The following JADE3 variants were observed in gnomAD, a reference collection of about 807,000 sequenced individuals.
JADE3 encodes the protein protein Jade-3.
JADE3 carries 2 observed loss-of-function variants against 50.1 expected under a neutral mutation model. The ratio of observed to expected loss-of-function variants is 0.04; its 90% CI spans 0.02 to 0.13. The LOEUF (loss-of-function observed/expected upper bound fraction) is 0.13. Among genes scored for constraint, JADE3 ranks in the 10% least tolerant of loss-of-function variants. The probability of loss-of-function intolerance (pLI) is 1.00; values close to 1 mark genes in which losing one functional copy is unlikely to be tolerated. For synonymous variants in JADE3, 218 were observed against 232.9 expected (o/e 0.94, Z 0.58); for missense variants, 475 against 634.4 (o/e 0.75, Z 2.70).
chrX:46,994,259 C>T (rs1556356768), intron 3 of JADE3, among the ~76,000 whole-genome samples: 1 of 111,821 alleles, frequency 8.9e-6, no homozygotes, highest in Non-Finnish European at 1.9e-5. Context: ...TAATTGAATT[C>T]ATAGTGAGGC....
intron 1 of JADE3, among the ~76,000 whole-genome samples, chrX:46,921,216 A>G (rs1311192819): frequency 8.9e-6 from 1 of 112,065 alleles, no homozygotes; most frequent in Non-Finnish European, 1.9e-5. Flanking sequence ...AGATGGGGCT[A>G]TGGGCACATG....
chrX:46,919,702 G>A lies in JADE3; in HGVS notation c.-12+6983G>A, dbSNP rs190500156. On this transcript the variant is annotated intron_variant, in intron 1 of 10. Coordinates refer to ENST00000614628, the MANE Select transcript of JADE3 (RefSeq NM_014735.5). Reference sequence around the variant, plus strand: ...TGAAAATGCAACTGGACCCCAGGAAGTATGTGTGGGAAACTATACAAGGCT... The same window carrying A: ...TGAAAATGCAACTGGACCCCAGGAAATATGTGTGGGAAACTATACAAGGCT... Among the ~76,000 whole-genome samples the A allele has an allele frequency of 2.7e-5, 3 of 111,594 alleles. No individual in the cohort carries two copies. The East Asian group carries it at 8.4e-4, about 31-fold the overall frequency.
chrX:46,926,661 A>C (rs1556338992), intron 1 of JADE3, among the ~76,000 whole-genome samples: 1 of 112,526 alleles, frequency 8.9e-6, no homozygotes, highest in Non-Finnish European at 1.9e-5. Context: ...CTGACTCTTT[A>C]GTCATACTCT....
At chrX:46,957,968 G>A (rs1053608876) in intron 1 of JADE3, among the ~76,000 whole-genome samples, 2 of 112,110 alleles carry the variant, frequency 1.8e-5, no homozygotes, top group Non-Finnish European at 3.8e-5. Flanking sequence ...GGGTCATAGG[G>A]TTTGGATATT....
chrX:47,059,122 T>A lies in JADE3; in HGVS notation c.*45T>A. 1 of 989,267 alleles carries A rather than the reference T, an allele frequency of 1.0e-6. No individual in the cohort carries two copies. The highest frequency in any genetic ancestry group is 1.4e-6 in the Non-Finnish European group (1 of 731,315). 81.5% of individuals were successfully genotyped at this position (989,267 alleles called of 1,213,427 possible). Reference sequence around the variant, plus strand: ...ACCCAACCTTTGCCTTTGCCCCATATATTGGGGAAAACCCATACACCAAAA... The same window carrying A: ...ACCCAACCTTTGCCTTTGCCCCATAAATTGGGGAAAACCCATACACCAAAA... On this transcript the variant is annotated 3_prime_UTR_variant, in exon 11 of 11. Transcript: ENST00000614628.
At chrX:46,970,091 C>T (rs1335351887) in intron 1 of JADE3, among the ~76,000 whole-genome samples, 1 of 112,390 alleles carries the variant, frequency 8.9e-6, no homozygotes, top group African/African-American at 3.2e-5. Flanking sequence ...GAGATTCTGA[C>T]TTAATTGGTA....
chrX:47,060,237 C>CGGG lies in JADE3; in HGVS notation c.*1169_*1171dup, dbSNP rs782315894. On this transcript the variant is annotated 3_prime_UTR_variant, in exon 11 of 11. Transcript: ENST00000614628. ...AGTAGGAAGAGAATAATTACATTTG[C>CGGG]GGGGGGGGGGGTGGATAAAAACATG... 116 of 50,054 alleles carry CGGG rather than the reference C, an allele frequency of 2.3e-3. 1 individual carries two copies. The highest frequency in any genetic ancestry group is 4.5e-3 in the African/African-American group (77 of 16,933). The allele number at this position is 50,054 out of a possible 1,213,427, so 4.1% of individuals were successfully genotyped here.
At chrX:46,993,189 C>T in intron 3 of JADE3, among the ~76,000 whole-genome samples, 1 of 111,990 alleles carries the variant, frequency 8.9e-6, no homozygotes, top group South Asian at 3.7e-4. Flanking sequence ...TATCTTAAAA[C>T]ATTGACTGCA....
At chrX:46,932,032 G>T (rs1556340010) in intron 1 of JADE3, among the ~76,000 whole-genome samples, 1 of 112,124 alleles carries the variant, frequency 8.9e-6, no homozygotes, top group Non-Finnish European at 1.9e-5. Context: ...GTTTTGAAAT[G>T]CCTGTGTAAA....
chrX:46,972,994 A>G (rs1927533589), intron 1 of JADE3, among the ~76,000 whole-genome samples: 1 of 112,578 alleles, frequency 8.9e-6, no homozygotes, highest in South Asian at 3.7e-4. Flanking sequence ...AGTAGTTGTG[A>G]CAGAGACCAT....
At chrX:46,922,190 C>T (rs1272888098) in intron 1 of JADE3, among the ~76,000 whole-genome samples, 2 of 110,400 alleles carry the variant, frequency 1.8e-5, no homozygotes, top group South Asian at 3.9e-4. Context: ...TCTGTTCCCG[C>T]GTTAGTTTGA....
chrX:46,969,426 AAAAAC>A (rs1275051240), intron 1 of JADE3, among the ~76,000 whole-genome samples: 3 of 112,246 alleles, frequency 2.7e-5, no homozygotes, highest in East Asian at 2.8e-4. Flanking sequence ...AAAAAAGGAA[AAAAAC>A]AAAACAAAAC....
chrX:46,912,757 T>C (rs1925990952), intron 1 of JADE3, 38 bp downstream of exon 1: 1 of 110,371 alleles, frequency 9.1e-6, no homozygotes. Flanking sequence ...GCGGGCGAGG[T>C]TGGGGGCGTC....
chrX:47,022,608 A>G (rs1928820299), intron 4 of JADE3, among the ~76,000 whole-genome samples: 1 of 111,762 alleles, frequency 8.9e-6, no homozygotes, highest in South Asian at 3.7e-4. Context: ...TCTAGAGTAA[A>G]GAAACTGGCT....
intron 4 of JADE3, among the ~76,000 whole-genome samples, chrX:46,998,912 C>A (rs926776931): frequency 6.4e-5 from 7 of 110,193 alleles, no homozygotes; most frequent in Non-Finnish European, 1.3e-4. Context: ...CTGGCCAGGC[C>A]GTTCTTGAAC....
At chrX:46,977,923 G>C (rs1326089025) in intron 1 of JADE3, among the ~76,000 whole-genome samples, 1 of 111,985 alleles carries the variant, frequency 8.9e-6, no homozygotes, top group Non-Finnish European at 1.9e-5. Context: ...ACAAGAAGTA[G>C]CTGGAAAATG....
Position 46,951,279 on chromosome X carries a change from C to T in JADE3, c.-11-33605C>T, listed in dbSNP as rs1404298911. ...CTGACCTCAAGTGATCCGCCTGCCT[C>T]GGCCTCCCAAAGTGCTGGGATTACA... On this transcript the variant is annotated intron_variant, in intron 1 of 10. Transcript: ENST00000614628. Among the ~76,000 whole-genome samples, 10 of 90,560 alleles carry T rather than the reference C, an allele frequency of 1.1e-4. No individual in the cohort carries two copies. In the East Asian group the frequency reaches 2.3e-3, roughly 21 times the overall value. 78.6% of individuals were successfully genotyped at this position (90,560 alleles called of 115,157 possible).
intron 1 of JADE3, among the ~76,000 whole-genome samples, chrX:46,949,962 C>T (rs1427364650): frequency 9.0e-6 from 1 of 111,598 alleles, no homozygotes; most frequent in Non-Finnish European, 1.9e-5. Context: ...AAATGCCCTC[C>T]AGTAAGTAAA....
At chrX:46,934,362 G>T (rs1003230492) in intron 1 of JADE3, among the ~76,000 whole-genome samples, 5 of 103,767 alleles carry the variant, frequency 4.8e-5, no homozygotes, top group African/African-American at 1.8e-4. Flanking sequence ...ACAGTGGCGC[G>T]ATCTCGGCTC....
Sources: gnomAD v4.1 joint callset for allele counts (sites outside exome capture counted in the v4.1 genomes callset) on GRCh38, gnomAD v4.1.1 for gene constraint, MANE v1.5 for transcripts, NCBI Gene and HGNC (gene_info 2026-07-23, HGNC 2026-07-21) for gene names.